Variants in OPCML observed in about 807,000 individuals in gnomAD.
OPCML encodes the protein opioid binding protein/cell adhesion molecule like, also known as opioid-binding protein/cell adhesion molecule.
Under a neutral mutation model 37.8 loss-of-function variants are expected in OPCML, and 13 were observed. The observed-to-expected ratio is 0.34, with a 90% CI of 0.22 to 0.55. The LOEUF (loss-of-function observed/expected upper bound fraction) is 0.55, where lower values mean the gene tolerates loss of function less well. Ranked by LOEUF, OPCML falls within the 20% of genes least tolerant of loss-of-function variation. OPCML has a pLI of 0.91. For missense variants in OPCML, 341 were observed against 435.6 expected (o/e 0.78, Z 1.93); for synonymous variants, 176 against 168.8 (o/e 1.04, Z -0.33).
chr11:132,718,721 C>T (rs983919801), intron 2 of OPCML, among the ~76,000 whole-genome samples: 1 of 152,118 alleles, frequency 6.6e-6, no homozygotes, highest in Non-Finnish European at 1.5e-5. Context: ...GGGAAGCACA[C>T]GCGGGCACAC....
At chr11:132,748,392 A>G (rs1249235603) in intron 2 of OPCML, among the ~76,000 whole-genome samples, 2 of 152,172 alleles carry the variant, frequency 1.3e-5, no homozygotes, top group Non-Finnish European at 2.9e-5. Context: ...GGCTAGAGAC[A>G]CAGCCGTGAC....
chr11:133,462,721 G>A (rs1007069230), intron 1 of OPCML, among the ~76,000 whole-genome samples: 1 of 152,072 alleles, frequency 6.6e-6, no homozygotes, highest in Non-Finnish European at 1.5e-5. Flanking sequence ...AATCCTCGTA[G>A]CATTGCTGGT....
chr11:132,666,467 C>T (rs1489999941), intron 2 of OPCML, among the ~76,000 whole-genome samples: 1 of 152,170 alleles, frequency 6.6e-6, no homozygotes, highest in East Asian at 1.9e-4. Context: ...CCAACCAAGC[C>T]CCACTCCAAT....
Position 133,496,872 on chromosome 11 carries a change from C to A in OPCML, c.61+35392G>T, listed in dbSNP as rs550773833. ...CAGGGACAGTTTGACTTCCTCTTTA[C>A]CAATTTGGATGGCCTTTATTTCTTT... On this transcript the variant is annotated intron_variant, in intron 1 of 7. Transcript: ENST00000524381. Among the ~76,000 whole-genome samples the A allele has an allele frequency of 1.3e-5, 2 of 152,248 alleles. 1 individual carries two copies. The highest frequency in any genetic ancestry group is 4.2e-4 in the South Asian group (2 of 4,814).
At chr11:133,412,592 G>C (rs545835935) in intron 1 of OPCML, among the ~76,000 whole-genome samples, 1 of 152,296 alleles carries the variant, frequency 6.6e-6, no homozygotes, top group Admixed American at 6.5e-5. Flanking sequence ...ATGAGAACTT[G>C]TCGCATTACC....
chr11:133,061,294 A>G (rs144926785), intron 1 of OPCML, among the ~76,000 whole-genome samples: 73 of 152,352 alleles, frequency 4.8e-4, no homozygotes, highest in African/African-American at 1.7e-3. Context: ...GCAGACTCCA[A>G]AGGATTCTAC....
At chr11:133,287,279 T>C (rs79212405) in intron 1 of OPCML, among the ~76,000 whole-genome samples, 893 of 72,576 alleles carry the variant, frequency 0.012, 5 homozygotes, top group East Asian at 0.094. Flanking sequence ...TTCTTTCTTT[T>C]TTTTTTTTTT....
At chr11:133,383,969 G>A (rs754039558) in intron 1 of OPCML, among the ~76,000 whole-genome samples, 7 of 152,038 alleles carry the variant, frequency 4.6e-5, no homozygotes, top group Non-Finnish European at 1.0e-4. Context: ...CTCTCCCTAC[G>A]CACAGAGGGA....
chr11:133,002,773 AAG>A lies in OPCML; in HGVS notation c.62-59765_62-59764del, dbSNP rs567852542. Among the ~76,000 whole-genome samples the A allele has an allele frequency of 2.4e-3, 113 of 47,906 alleles. 1 individual carries two copies. Among genetic ancestry groups the A allele is most frequent in the African/African-American group, 9.7e-3 (51 of 5,258 alleles). The allele number at this position is 47,906 out of a possible 152,430, so 31.4% of individuals were successfully genotyped here. A position where few individuals can be genotyped will look rare whatever the true frequency, so the allele number is the denominator to read the frequency against. ...GAGGAAAGAGAAGAAGGACAAAGGAAAGAGAGGGGGGGGTGGGAAGAGAAGAG... is the reference window on the plus strand; with the variant it reads ...GAGGAAAGAGAAGAAGGACAAAGGAAAGAGGGGGGGGTGGGAAGAGAAGAG... On this transcript the variant is annotated intron_variant, in intron 1 of 7. Coordinates refer to ENST00000524381, the MANE Select transcript of OPCML (RefSeq NM_001012393.5).
intron 4 of OPCML, among the ~76,000 whole-genome samples, chr11:132,513,387 C>T (rs1394262252): frequency 6.6e-6 from 1 of 151,910 alleles, no homozygotes; most frequent in East Asian, 1.9e-4. Flanking sequence ...TTTGGGGACC[C>T]CTTTGAAGAT....
At chr11:132,447,191 T>C (rs913462352) in intron 4 of OPCML, among the ~76,000 whole-genome samples, 1 of 152,256 alleles carries the variant, frequency 6.6e-6, no homozygotes, top group Non-Finnish European at 1.5e-5. Flanking sequence ...TGAGGATTAA[T>C]TTATTCGTAT....
At chr11:133,166,528 T>C (rs1182206118) in intron 1 of OPCML, among the ~76,000 whole-genome samples, 2 of 152,176 alleles carry the variant, frequency 1.3e-5, no homozygotes, top group African/African-American at 2.4e-5. Flanking sequence ...TTGGCATATG[T>C]TATGGGAACA....
rs554967992 is a variant in OPCML at position 133,220,148 on chromosome 11, G to A, written c.62-277138C>T. 3.3e-5 allele frequency among the ~76,000 whole-genome samples: 5 copies of A among 152,246 alleles called. No individual in the cohort carries two copies. In the East Asian group the frequency reaches 9.7e-4, roughly 29 times the overall value. On this transcript the variant is annotated intron_variant, in intron 1 of 7. Transcript: ENST00000524381. ...AAGTTGGACACTGGCAGTGGAGGTT[G>A]GTACTTGAGTGTCTTCCCCTGGATT...
chr11:133,085,834 G>A (rs1466135877), intron 1 of OPCML, among the ~76,000 whole-genome samples: 4 of 152,218 alleles, frequency 2.6e-5, no homozygotes, highest in Admixed American at 1.3e-4. Flanking sequence ...ATCTGAGAAT[G>A]AATTATAAAA....
chr11:133,448,958 A>G lies in OPCML; in HGVS notation c.61+83306T>C, dbSNP rs563423832. On this transcript the variant is annotated intron_variant, in intron 1 of 7. Transcript: ENST00000524381. The stretch of plus-strand genomic sequence containing the variant: ...CAGACAAATAATAACACATAATAAC[A>G]AAAGCCACCTGGGAGCCTATAAATA... 4.6e-5 allele frequency among the ~76,000 whole-genome samples: 7 copies of G among 152,366 alleles called. No individual in the cohort carries two copies. In the South Asian group the frequency reaches 1.2e-3, roughly 27 times the overall value.
intron 1 of OPCML, among the ~76,000 whole-genome samples, chr11:133,002,778 A>AG (rs56076345): frequency 7.4e-5 from 11 of 148,674 alleles, no homozygotes; most frequent in South Asian, 2.1e-4. Context: ...AAGGAAAGAG[A>AG]GGGGGGGGTG....
intron 1 of OPCML, among the ~76,000 whole-genome samples, chr11:133,305,706 A>G (rs1034642705): frequency 6.6e-6 from 1 of 152,140 alleles, no homozygotes; most frequent in Non-Finnish European, 1.5e-5. Flanking sequence ...AATAATTAAT[A>G]ACTATGCATG....
intron 2 of OPCML, among the ~76,000 whole-genome samples, chr11:132,676,879 G>A (rs2917582): frequency 0.059 from 8,795 of 149,948 alleles, 655 homozygotes; most frequent in East Asian, 0.2. Flanking sequence ...TTTCAACGCT[G>A]TACTAAACAG....
intron 1 of OPCML, among the ~76,000 whole-genome samples, chr11:133,523,926 TGACA>T (rs1260596686): frequency 6.6e-6 from 1 of 152,256 alleles, no homozygotes; most frequent in East Asian, 1.9e-4. Flanking sequence ...CAAGCTCTCC[TGACA>T]GACAATCACA....
Sources: gnomAD v4.1 joint callset for allele counts (sites outside exome capture counted in the v4.1 genomes callset) on GRCh38, gnomAD v4.1.1 for gene constraint, MANE v1.5 for transcripts, NCBI Gene and HGNC (gene_info 2026-07-23, HGNC 2026-07-21) for gene names.